Variants in CCDC178 observed in about 807,000 individuals in gnomAD.
CCDC178 encodes the protein coiled-coil domain containing 178, also known as coiled-coil domain-containing protein 178.
In CCDC178, 126 loss-of-function variants were observed where a neutral mutation model predicts 117.4. The ratio of observed to expected loss-of-function variants is 1.07; its 90% CI spans 0.93 to 1.24. The LOEUF (loss-of-function observed/expected upper bound fraction) is 1.24, where lower values mean the gene tolerates loss of function less well. CCDC178 is among the 50% of genes most tolerant of loss of function. The probability of loss-of-function intolerance (pLI) is 0.00; values close to 1 mark genes in which losing one functional copy is unlikely to be tolerated. For missense variants in CCDC178, 1,030 were observed against 986.9 expected (o/e 1.04, Z -0.59); for synonymous variants, 283 against 313.4 (o/e 0.90, Z 1.02).
chr18:33,288,274 CTTCCTCTCCCCTCCT>C, intron 12 of CCDC178, among the ~76,000 whole-genome samples: 1 of 116,262 alleles, frequency 8.6e-6, no homozygotes, highest in African/African-American at 3.4e-5. Context: ...CCTCCTCTCC[CTTCCTCTCCCCTCCT>C]CTTCCCTCCT....
intron 20 of CCDC178, among the ~76,000 whole-genome samples, chr18:33,165,999 A>C (rs1230495359): frequency 3.9e-5 from 6 of 152,234 alleles, no homozygotes; most frequent in Admixed American, 3.9e-4. Context: ...TGAGAAACAC[A>C]GTGAGTACTT....
intron 11 of CCDC178, among the ~76,000 whole-genome samples, chr18:33,321,752 GA>G (rs960498772): frequency 7.1e-4 from 108 of 151,310 alleles, no homozygotes; most frequent in African/African-American, 2.2e-3. Flanking sequence ...CAATAAAAAA[GA>G]AAAAAATACA....
intron 2 of CCDC178, among the ~76,000 whole-genome samples, chr18:33,427,269 TA>T (rs35655088): frequency 9.9e-5 from 15 of 152,118 alleles, no homozygotes; most frequent in Non-Finnish European, 1.8e-4. Flanking sequence ...TTCCAAAATG[TA>T]AAAATCTTAT....
At chr18:33,260,872 C>T (rs375532906) in intron 14 of CCDC178, among the ~76,000 whole-genome samples, 7 of 151,840 alleles carry the variant, frequency 4.6e-5, no homozygotes, top group East Asian at 3.9e-4. Flanking sequence ...TGAATGTATA[C>T]GTATAGGTCT....
intron 5 of CCDC178, 63 bp from the exon 6 acceptor site, chr18:33,370,252 G>A: frequency 1.6e-6 from 2 of 1,277,412 alleles, no homozygotes; most frequent in Non-Finnish European, 2.1e-6. Flanking sequence ...TTGATGTTCA[G>A]AATAAGCAAA....
chr18:33,197,866 G>T (rs2058950168), intron 20 of CCDC178, among the ~76,000 whole-genome samples: 1 of 152,014 alleles, frequency 6.6e-6, no homozygotes, highest in Non-Finnish European at 1.5e-5. Flanking sequence ...ATCAACAAAG[G>T]TTATTGAAAA....
At chr18:33,075,323 T>G (rs1447113177) in intron 21 of CCDC178, among the ~76,000 whole-genome samples, 1 of 152,186 alleles carries the variant, frequency 6.6e-6, no homozygotes, top group Non-Finnish European at 1.5e-5. Flanking sequence ...GTAGAAACAT[T>G]TTGCCTATGT....
chr18:33,177,607 A>G (rs2058678546), intron 20 of CCDC178, among the ~76,000 whole-genome samples: 1 of 152,122 alleles, frequency 6.6e-6, no homozygotes, highest in African/African-American at 2.4e-5. Context: ...CCCCACCTTA[A>G]AAAAGTCCCT....
At chr18:33,298,557 A>G (rs749004704) in intron 11 of CCDC178, among the ~76,000 whole-genome samples, 6 of 152,196 alleles carry the variant, frequency 3.9e-5, no homozygotes, top group African/African-American at 9.6e-5. Flanking sequence ...AGTTTTTTCT[A>G]TAAGATCTAG....
intron 14 of CCDC178, among the ~76,000 whole-genome samples, chr18:33,254,372 C>CTG (rs1162417699): frequency 6.6e-6 from 1 of 150,996 alleles, no homozygotes; most frequent in Non-Finnish European, 1.5e-5. Flanking sequence ...CCGGCAGTAA[C>CTG]TGTACATAGT....
intron 21 of CCDC178, among the ~76,000 whole-genome samples, chr18:33,049,466 C>T (rs1371957443): frequency 1.3e-5 from 2 of 152,074 alleles, no homozygotes; most frequent in Non-Finnish European, 2.9e-5. Context: ...TATCTTTTTA[C>T]CCTGTTTTGT....
intron 20 of CCDC178, among the ~76,000 whole-genome samples, chr18:33,190,514 C>G (rs2058844535): frequency 6.6e-6 from 1 of 152,058 alleles, no homozygotes; most frequent in African/African-American, 2.4e-5. Context: ...CTGGGTAATA[C>G]TTTTCGTAAT....
chr18:33,405,326 G>C (rs1396648469), intron 3 of CCDC178, among the ~76,000 whole-genome samples: 2 of 151,430 alleles, frequency 1.3e-5, no homozygotes, highest in African/African-American at 4.8e-5. Context: ...TCCATTAAAA[G>C]ATAATGTATA....
chr18:32,948,566 T>C (rs932179563), intron 22 of CCDC178, among the ~76,000 whole-genome samples: 1 of 152,086 alleles, frequency 6.6e-6, no homozygotes, highest in Non-Finnish European at 1.5e-5. Flanking sequence ...ACATTTTCTA[T>C]ATGGATAAGC....
intron 6 of CCDC178, among the ~76,000 whole-genome samples, chr18:33,359,787 T>C (rs1375152759): frequency 6.6e-6 from 1 of 151,412 alleles, no homozygotes; most frequent in Non-Finnish European, 1.5e-5. Context: ...AGAGCTAAAA[T>C]TGCCCGATTC....
chr18:33,081,123 G>A (rs2057290365), intron 21 of CCDC178, among the ~76,000 whole-genome samples: 1 of 152,124 alleles, frequency 6.6e-6, no homozygotes, highest in African/African-American at 2.4e-5. Flanking sequence ...ATATTTTACT[G>A]TGAAGTACTC....
intron 20 of CCDC178, among the ~76,000 whole-genome samples, chr18:33,166,285 T>C (rs1457626037): frequency 6.6e-6 from 1 of 152,168 alleles, no homozygotes; most frequent in African/African-American, 2.4e-5. Context: ...TGTTTTCAAA[T>C]CTTTAAAAAA....
chr18:33,281,649 G>T (rs1397121850), intron 12 of CCDC178, among the ~76,000 whole-genome samples: 1 of 152,112 alleles, frequency 6.6e-6, no homozygotes, highest in Non-Finnish European at 1.5e-5. Context: ...TCTTAAAAGT[G>T]AATGGGAAAA....
chr18:33,149,347 A>C (rs1308236455), intron 20 of CCDC178, among the ~76,000 whole-genome samples: 1 of 152,204 alleles, frequency 6.6e-6, no homozygotes, highest in African/African-American at 2.4e-5. Context: ...TTTGTACCCC[A>C]AATTCCAGAA....
Sources: gnomAD v4.1 joint callset for allele counts (sites outside exome capture counted in the v4.1 genomes callset) on GRCh38, gnomAD v4.1.1 for gene constraint, MANE v1.5 for transcripts, NCBI Gene and HGNC (gene_info 2026-07-23, HGNC 2026-07-21) for gene names.